ANKS1B: variants seen among roughly 807,000 people sequenced by gnomAD.
ANKS1B encodes ankyrin repeat and sterile alpha motif domain containing 1B, also known as ankyrin repeat and sterile alpha motif domain-containing protein 1B.
A neutral mutation model predicts 148.3 loss-of-function variants in ANKS1B; 36 were observed. The ratio of observed to expected loss-of-function variants is 0.24; its 90% CI spans 0.19 to 0.32. The LOEUF is 0.32. ANKS1B is among the 10% of genes least tolerant of loss of function. The probability of loss-of-function intolerance (pLI) is 1.00; values close to 1 mark genes in which losing one functional copy is unlikely to be tolerated. For missense variants in ANKS1B, 1,157 were observed against 1,542.6 expected (o/e 0.75, Z 4.19); for synonymous variants, 542 against 560.8 (o/e 0.97, Z 0.47).
At chr12:99,398,893 A>C (rs1429496234) in intron 12 of ANKS1B, among the ~76,000 whole-genome samples, 1 of 152,138 alleles carries the variant, frequency 6.6e-6, no homozygotes, top group East Asian at 1.9e-4. Flanking sequence ...GCCTATGAGT[A>C]TGCCACAAAT....
chr12:99,417,954 T>C (rs1169502385), intron 11 of ANKS1B, among the ~76,000 whole-genome samples: 2 of 152,084 alleles, frequency 1.3e-5, no homozygotes, highest in African/African-American at 4.8e-5. Flanking sequence ...TGAAAACAAA[T>C]TGCCAACCAA....
At chr12:99,618,160 C>T (rs531495120) in intron 9 of ANKS1B, among the ~76,000 whole-genome samples, 1 of 152,144 alleles carries the variant, frequency 6.6e-6, no homozygotes, top group Non-Finnish European at 1.5e-5. Flanking sequence ...TCAAACATCA[C>T]CTTCCCAGGG....
At chr12:99,900,439 G>A (rs1170568208) in intron 1 of ANKS1B, among the ~76,000 whole-genome samples, 2 of 147,906 alleles carry the variant, frequency 1.4e-5, no homozygotes, top group Non-Finnish European at 3.0e-5. Context: ...CCGGGAGGCG[G>A]AGGTTGCAGT....
At chr12:99,259,914 C>T (rs2075740795) in intron 12 of ANKS1B, among the ~76,000 whole-genome samples, 1 of 152,198 alleles carries the variant, frequency 6.6e-6, no homozygotes, top group South Asian at 2.1e-4. Flanking sequence ...GAGTATTTCC[C>T]ATAGCCTAGA....
chr12:99,559,067 G>A (rs919871843), intron 9 of ANKS1B, among the ~76,000 whole-genome samples: 6 of 152,046 alleles, frequency 3.9e-5, no homozygotes, highest in African/African-American at 9.7e-5. Flanking sequence ...GAAACCCTGC[G>A]CACCGTTCCC....
Position 99,275,085 on chromosome 12 carries a change from T to C in ANKS1B, c.1757-28221A>G, listed in dbSNP as rs377162279. 2.0e-5 allele frequency among the ~76,000 whole-genome samples: 3 copies of C among 152,338 alleles called. 1 individual carries two copies. Among genetic ancestry groups the C allele is most frequent in the African/African-American group, 7.2e-5 (3 of 41,578 alleles). ...TTTTTGTGGGTAGATAGTAGGTGTA[T>C]GTATTAATGGAGTAAATGAAACATT... On this transcript the variant is annotated intron_variant, in intron 12 of 26. Coordinates refer to ENST00000683438, the MANE Select transcript of ANKS1B (RefSeq NM_001352186.2).
chr12:99,767,403 T>C (rs2062755685), intron 8 of ANKS1B, among the ~76,000 whole-genome samples: 1 of 151,568 alleles, frequency 6.6e-6, no homozygotes, highest in Admixed American at 6.6e-5. Flanking sequence ...ATTACAAATG[T>C]TTAAAAAAAA....
intron 10 of ANKS1B, among the ~76,000 whole-genome samples, chr12:99,495,365 G>GTGTA (rs2096594247): frequency 6.6e-6 from 1 of 152,040 alleles, no homozygotes; most frequent in East Asian, 1.9e-4. Flanking sequence ...GTGTGTGTGT[G>GTGTA]TGTGTGTGTG....
At chr12:99,656,258 G>A (rs1029831083) in intron 8 of ANKS1B, among the ~76,000 whole-genome samples, 12 of 151,966 alleles carry the variant, frequency 7.9e-5, no homozygotes, top group African/African-American at 2.7e-4. Flanking sequence ...TATATTCCCA[G>A]ATAAACAACT....
intron 11 of ANKS1B, among the ~76,000 whole-genome samples, chr12:99,415,234 T>C (rs755480421): frequency 2.0e-5 from 3 of 152,192 alleles, no homozygotes; most frequent in African/African-American, 7.2e-5. Context: ...AATACTTATA[T>C]ATTAATATTT....
At chr12:99,717,095 C>A (rs1421483865) in intron 8 of ANKS1B, among the ~76,000 whole-genome samples, 4 of 152,184 alleles carry the variant, frequency 2.6e-5, no homozygotes, top group African/African-American at 9.6e-5. Context: ...TATAAAAACT[C>A]AGCCCAGTTC....
chr12:99,880,493 T>C (rs2153736386), intron 1 of ANKS1B, among the ~76,000 whole-genome samples: 1 of 152,302 alleles, frequency 6.6e-6, no homozygotes, highest in East Asian at 1.9e-4. Context: ...CCAAGTAAGT[T>C]ATATTCGGTA....
intron 8 of ANKS1B, among the ~76,000 whole-genome samples, chr12:99,730,234 G>A (rs866834041): frequency 6.6e-6 from 1 of 152,184 alleles, no homozygotes. Context: ...CTCTGTTGAG[G>A]AGCTCTGACC....
intron 14 of ANKS1B, among the ~76,000 whole-genome samples, chr12:99,220,151 C>T (rs559604160): frequency 6.6e-6 from 1 of 152,046 alleles, no homozygotes; most frequent in Non-Finnish European, 1.5e-5. Flanking sequence ...AGGTGCATGC[C>T]ACCACACCCA....
intron 14 of ANKS1B, among the ~76,000 whole-genome samples, chr12:99,165,039 A>G (rs2077064060): frequency 6.6e-6 from 1 of 152,050 alleles, no homozygotes; most frequent in South Asian, 2.1e-4. Flanking sequence ...CTGATTAATC[A>G]TAAAAGCAGA....
At chr12:99,378,154 C>A (rs1411482923) in intron 12 of ANKS1B, among the ~76,000 whole-genome samples, 2 of 152,132 alleles carry the variant, frequency 1.3e-5, no homozygotes, top group Non-Finnish European at 2.9e-5. Flanking sequence ...TAAAAACATG[C>A]CTCATAGGTC....
At chr12:98,966,489 G>A (rs1298005854) in intron 17 of ANKS1B, among the ~76,000 whole-genome samples, 2 of 152,160 alleles carry the variant, frequency 1.3e-5, no homozygotes, top group Admixed American at 6.5e-5. Flanking sequence ...AAGACAGTGT[G>A]GCGATTCCTC....
At chr12:99,776,881 C>T (rs1332502043) in intron 6 of ANKS1B, among the ~76,000 whole-genome samples, 3 of 151,986 alleles carry the variant, frequency 2.0e-5, no homozygotes, top group Non-Finnish European at 4.4e-5. Context: ...GACAGGGTTT[C>T]ACCATGTTCG....
Position 99,455,962 on chromosome 12 carries a change from A to C in ANKS1B, c.1439-12153T>G, listed in dbSNP as rs142635439. Among the ~76,000 whole-genome samples the C allele has an allele frequency of 3.7e-3, 569 of 152,244 alleles. 6 individuals are homozygous for C. Among genetic ancestry groups the C allele is most frequent in the African/African-American group, 0.012 (480 of 41,540 alleles). The stretch of plus-strand genomic sequence containing the variant: ...ACCACCTCCTGGCTTGAGGACAACC[A>C]AAACAAAACCAGCGCACTTAACAAA... On this transcript the variant is annotated intron_variant, in intron 10 of 26. Transcript: ENST00000683438.
Sources: gnomAD v4.1 joint callset for allele counts (sites outside exome capture counted in the v4.1 genomes callset) on GRCh38, gnomAD v4.1.1 for gene constraint, MANE v1.5 for transcripts, NCBI Gene and HGNC (gene_info 2026-07-23, HGNC 2026-07-21) for gene names.